TYR: variants seen among roughly 807,000 people sequenced by gnomAD.
TYR encodes LB24-AB.
A neutral mutation model predicts 51.5 loss-of-function variants in TYR; 58 were observed. The ratio of observed to expected loss-of-function variants is 1.13; its 90% CI spans 0.91 to 1.40. The LOEUF is 1.40. TYR is among the 40% of genes most tolerant of loss of function. TYR has a pLI of 0.00. For synonymous variants in TYR, 263 were observed against 235.2 expected (o/e 1.12, Z -1.08); for missense variants, 732 against 647.4 (o/e 1.13, Z -1.42).
intron 2 of TYR, among the ~76,000 whole-genome samples, chr11:89,205,985 A>G (rs1274255984): frequency 6.6e-6 from 1 of 152,138 alleles, no homozygotes; most frequent in African/African-American, 2.4e-5. Context: ...AAAATAATGT[A>G]ATACTTAGAT....
chr11:89,240,386 A>G (rs1397843839), intron 3 of TYR, among the ~76,000 whole-genome samples: 1 of 152,170 alleles, frequency 6.6e-6, no homozygotes, highest in African/African-American at 2.4e-5. Context: ...TAACAAAATT[A>G]ATGATATTTC....
At chr11:89,250,976 C>A (rs1944325353) in intron 3 of TYR, among the ~76,000 whole-genome samples, 1 of 151,630 alleles carries the variant, frequency 6.6e-6, no homozygotes. Context: ...AATAAGAAAA[C>A]AAATCATTTG....
chr11:89,294,936 A>G (rs367672868), intron 4 of TYR, among the ~76,000 whole-genome samples: 68 of 152,206 alleles, frequency 4.5e-4, no homozygotes, highest in African/African-American at 1.5e-3. Context: ...TTCCAACAAG[A>G]GGGGTATTAT....
chr11:89,220,311 G>A (rs1943892243), intron 2 of TYR, among the ~76,000 whole-genome samples: 1 of 152,092 alleles, frequency 6.6e-6, no homozygotes, highest in African/African-American at 2.4e-5. Context: ...GGTAGCAGGT[G>A]CCACACACTT....
At chr11:89,199,732 A>G (rs1213815316) in intron 2 of TYR, among the ~76,000 whole-genome samples, 1 of 152,196 alleles carries the variant, frequency 6.6e-6, no homozygotes, top group South Asian at 2.1e-4. Flanking sequence ...GTAATCTTCA[A>G]TAGTCTTCTC....
chr11:89,261,278 C>A (rs1462057055), intron 3 of TYR, among the ~76,000 whole-genome samples: 1 of 152,032 alleles, frequency 6.6e-6, no homozygotes, highest in Non-Finnish European at 1.5e-5. Flanking sequence ...TAAAAGGACA[C>A]AAATTGGCTA....
intron 3 of TYR, among the ~76,000 whole-genome samples, chr11:89,283,400 T>G (rs1944740814): frequency 6.6e-6 from 1 of 151,862 alleles, no homozygotes; most frequent in Non-Finnish European, 1.5e-5. Context: ...TTGTATTCAT[T>G]TTGTTTGAAG....
rs763195455 is a variant in TYR, at chr11:89,178,072, G to A, written c.119G>A (p.Ser40Asn). 5.6e-6 allele frequency: 9 copies of A among 1,614,178 alleles called. No individual in the cohort carries two copies. The South Asian group carries it at 8.8e-5, about 16-fold the overall frequency. Residue 40 changes from serine to asparagine, a missense_variant, in exon 1 of 5, where the codon AGC (serine) becomes AAC (asparagine). By Grantham distance (46) the Ser-to-Asn change is conservative. Transcript: ENST00000263321. ...GAGAAGGAATGCTGTCCACCGTGGAGCGGGGACAGGAGTCCCTGTGGCCAG... is the reference window on the plus strand; with the variant it reads ...GAGAAGGAATGCTGTCCACCGTGGAACGGGGACAGGAGTCCCTGTGGCCAG... ...LMEKECCPPW[S>N]GDRSPCGQLS...
intron 3 of TYR, among the ~76,000 whole-genome samples, chr11:89,245,014 T>C (rs1944246418): frequency 6.6e-6 from 1 of 152,222 alleles, no homozygotes; most frequent in African/African-American, 2.4e-5. Flanking sequence ...CTTTAACCCC[T>C]GAATCTGCAG....
intron 3 of TYR, among the ~76,000 whole-genome samples, chr11:89,229,224 TATA>T (rs1475354745): frequency 6.6e-6 from 1 of 152,048 alleles, no homozygotes; most frequent in Non-Finnish European, 1.5e-5. Context: ...GCAACTCTCA[TATA>T]ATGAGAATTA....
intron 4 of TYR, among the ~76,000 whole-genome samples, chr11:89,288,868 A>C (rs1234787164): frequency 2.0e-5 from 3 of 152,026 alleles, no homozygotes; most frequent in Non-Finnish European, 4.4e-5. Flanking sequence ...TTCATAGCTA[A>C]ATTTTAAGCT....
At position 89,275,190 on chromosome 11, in the gene TYR, C is replaced by A; in HGVS notation, c.1185-9583C>A. On this transcript the variant is annotated intron_variant, in intron 3 of 4. Transcript: ENST00000263321. ...CTGTGCCGTCACCCTTTCTTACATA[C>A]TCTGAGAGATTTTGTAATCAAATTC... Among the ~76,000 whole-genome samples the A allele has an allele frequency of 1.3e-5, 2 of 151,912 alleles. 1 individual carries two copies. The highest frequency in any genetic ancestry group is 2.9e-5 in the Non-Finnish European group (2 of 67,886).
intron 2 of TYR, among the ~76,000 whole-genome samples, chr11:89,194,891 G>C (rs1198542933): frequency 6.6e-6 from 1 of 152,094 alleles, no homozygotes; most frequent in Non-Finnish European, 1.5e-5. Context: ...AGAGCATCTT[G>C]TACCTACAAT....
intron 2 of TYR, among the ~76,000 whole-genome samples, chr11:89,218,727 C>A (rs180780639): frequency 6.6e-6 from 1 of 152,212 alleles, no homozygotes; most frequent in Admixed American, 6.5e-5. Context: ...ATGCCTTATA[C>A]CATATTTATT....
chr11:89,254,068 A>C (rs1338503290), intron 3 of TYR, among the ~76,000 whole-genome samples: 1 of 151,784 alleles, frequency 6.6e-6, no homozygotes, highest in East Asian at 1.9e-4. Flanking sequence ...CATTTTCTGC[A>C]TCTATTGAGA....
chr11:89,262,846 C>CTAAAAAA (rs1186728580), intron 3 of TYR, among the ~76,000 whole-genome samples: 16 of 34,196 alleles, frequency 4.7e-4, no homozygotes, highest in African/African-American at 6.0e-4. Flanking sequence ...AGCTACTCAT[C>CTAAAAAA]CAAAAAAAAA....
At chr11:89,285,556 T>C (rs1173997813) in intron 4 of TYR, among the ~76,000 whole-genome samples, 1 of 151,852 alleles carries the variant, frequency 6.6e-6, no homozygotes, top group Admixed American at 6.6e-5. Flanking sequence ...ATTTGAGCTC[T>C]AAATAATCTT....
rs527367395 is a variant in TYR at position 89,294,128 on chromosome 11, C to T, written c.1367-1015C>T. 100 of 154,680 alleles carry T rather than the reference C, an allele frequency of 6.5e-4. No homozygotes were observed. In the South Asian group the frequency reaches 0.012, roughly 19 times the overall value. 9.6% of individuals were successfully genotyped at this position (154,680 alleles called of 1,614,324 possible). The stretch of plus-strand genomic sequence containing the variant: ...CCCAAGTACTGTCAACATCTGACGT[C>T]CCTTAAACTTCAGGAAATGCTCCAC... On this transcript the variant is annotated intron_variant, in intron 4 of 4. Transcript: ENST00000263321.
intron 3 of TYR, among the ~76,000 whole-genome samples, chr11:89,282,898 A>C (rs559225431): frequency 1.3e-5 from 2 of 151,960 alleles, no homozygotes; most frequent in African/African-American, 4.8e-5. Flanking sequence ...GAAGAAGAGA[A>C]GAGAGGAGCT....
Sources: gnomAD v4.1 joint callset for allele counts (sites outside exome capture counted in the v4.1 genomes callset) on GRCh38, gnomAD v4.1.1 for gene constraint, MANE v1.5 for transcripts, NCBI Gene and HGNC (gene_info 2026-07-23, HGNC 2026-07-21) for gene names.